RBFOX1: variants seen among roughly 807,000 people sequenced by gnomAD.
The protein encoded by RBFOX1 is RNA binding fox-1 homolog 1.
Under a neutral mutation model 57.7 loss-of-function variants are expected in RBFOX1, and 8 were observed. That is an observed-to-expected ratio of 0.14 (90% CI 0.08 to 0.25). The LOEUF (loss-of-function observed/expected upper bound fraction) is 0.25. Ranked by LOEUF, RBFOX1 falls within the 10% of genes least tolerant of loss-of-function variation. RBFOX1 has a pLI of 1.00. For missense variants in RBFOX1, 611 were observed against 548.5 expected (o/e 1.11, Z -1.14); for synonymous variants, 326 against 222.4 (o/e 1.47, Z -4.15).
chr16:6,218,178 G>T (rs2097348477), intron 1 of RBFOX1, among the ~76,000 whole-genome samples: 3 of 152,124 alleles, frequency 2.0e-5, no homozygotes, highest in Non-Finnish European at 2.9e-5. Flanking sequence ...ATTTTCAGTA[G>T]AATAATATTA....
intron 2 of RBFOX1, among the ~76,000 whole-genome samples, chr16:6,521,536 C>G (rs1279245455): frequency 7.5e-6 from 1 of 134,030 alleles, no homozygotes. Context: ...CCTCCTTCCT[C>G]TCCTCTCCTC....
intron 4 of RBFOX1, among the ~76,000 whole-genome samples, chr16:7,515,144 G>A (rs1287363906): frequency 6.6e-6 from 1 of 152,044 alleles, no homozygotes; most frequent in Non-Finnish European, 1.5e-5. Context: ...ACATTTCTGG[G>A]GCTTTTCATC....
intron 4 of RBFOX1, among the ~76,000 whole-genome samples, chr16:7,367,084 A>G (rs772812521): frequency 2.6e-5 from 4 of 151,824 alleles, no homozygotes; most frequent in Non-Finnish European, 5.9e-5. Flanking sequence ...GTCTTAGACA[A>G]TATGGTGTCA....
chr16:7,221,405 C>T (rs560068926), intron 4 of RBFOX1, among the ~76,000 whole-genome samples: 7 of 151,490 alleles, frequency 4.6e-5, no homozygotes, highest in Non-Finnish European at 8.8e-5. Flanking sequence ...TTTGCTCTGT[C>T]GTCCAGGATA....
chr16:5,578,240 G>C (rs192021553), intron 2 of RBFOX1, among the ~76,000 whole-genome samples: 1 of 152,218 alleles, frequency 6.6e-6, no homozygotes, highest in Non-Finnish European at 1.5e-5. Context: ...ATGAGCTGCC[G>C]TGCCTGCCCT....
chr16:6,361,487 G>C (rs1253682578), intron 2 of RBFOX1, among the ~76,000 whole-genome samples: 2 of 152,040 alleles, frequency 1.3e-5, no homozygotes, highest in African/African-American at 2.4e-5. Flanking sequence ...AATTAGCCTG[G>C]TGTGGTGGCT....
At chr16:7,515,968 C>T (rs137889496) in intron 4 of RBFOX1, among the ~76,000 whole-genome samples, 7 of 152,216 alleles carry the variant, frequency 4.6e-5, no homozygotes, top group South Asian at 2.1e-4. Context: ...CCTCAGTCTC[C>T]GGAGTAGCTA....
intron 3 of RBFOX1, among the ~76,000 whole-genome samples, chr16:5,730,387 G>A (rs767200175): frequency 5.9e-5 from 9 of 152,158 alleles, no homozygotes; most frequent in South Asian, 2.1e-4. Flanking sequence ...GGCAAGCACC[G>A]TCTCCCTGAG....
In RBFOX1 at chr16:7,564,537, T is replaced by A. The variant is rs1048564045; in HGVS notation, c.271-15240T>A. ...GCCTGGCTGACAGAGCAAGACTCCATCTCAAAAAAAAAAAAAAAAAAAAAA... is the reference window on the plus strand; with the variant it reads ...GCCTGGCTGACAGAGCAAGACTCCAACTCAAAAAAAAAAAAAAAAAAAAAA... On this transcript the variant is annotated intron_variant, in intron 5 of 15. Transcript: ENST00000550418. Among the ~76,000 whole-genome samples, 3 of 44,362 alleles carry A rather than the reference T, an allele frequency of 6.8e-5. No homozygotes were observed. In the Admixed American group the frequency reaches 1.0e-3, roughly 15 times the overall value. 29.1% of individuals were successfully genotyped at this position (44,362 alleles called of 152,430 possible).
At chr16:6,804,879 T>G (rs574924055) in intron 3 of RBFOX1, among the ~76,000 whole-genome samples, 1 of 152,162 alleles carries the variant, frequency 6.6e-6, no homozygotes, top group African/African-American at 2.4e-5. Context: ...AAAAAGGCCA[T>G]GTGTCCCAAA....
At chr16:6,574,441 T>TC (rs2097394669) in intron 2 of RBFOX1, among the ~76,000 whole-genome samples, 1 of 144,692 alleles carries the variant, frequency 6.9e-6, no homozygotes, top group Non-Finnish European at 1.5e-5. Context: ...TTTTTTTTTT[T>TC]TTTTTGAGAC....
chr16:7,629,939 A>G (rs375959245), intron 10 of RBFOX1, among the ~76,000 whole-genome samples: 19 of 152,278 alleles, frequency 1.2e-4, no homozygotes, highest in African/African-American at 3.9e-4. Flanking sequence ...GTGTGGGTCC[A>G]GGGTGGGTCC....
intron 1 of RBFOX1, among the ~76,000 whole-genome samples, chr16:6,201,834 T>A (rs2097217498): frequency 6.6e-6 from 1 of 152,080 alleles, no homozygotes; most frequent in Non-Finnish European, 1.5e-5. Context: ...ATAAAGAAAA[T>A]TTTTAAAATT....
At chr16:6,207,747 G>A (rs1340735682) in intron 1 of RBFOX1, among the ~76,000 whole-genome samples, 2 of 151,926 alleles carry the variant, frequency 1.3e-5, no homozygotes, top group Non-Finnish European at 2.9e-5. Context: ...GAGTGCAGTG[G>A]TGCGCATGTA....
chr16:7,438,862 C>G (rs1214830437), intron 4 of RBFOX1, among the ~76,000 whole-genome samples: 1 of 152,190 alleles, frequency 6.6e-6, no homozygotes, highest in East Asian at 1.9e-4. Flanking sequence ...GCCTGATGCT[C>G]TGTCAATGGC....
intron 4 of RBFOX1, among the ~76,000 whole-genome samples, chr16:7,443,648 C>CCA (rs1035975254): frequency 5.3e-5 from 8 of 152,078 alleles, no homozygotes; most frequent in African/African-American, 1.9e-4. Context: ...CAGCGTATTT[C>CCA]TATATATGTC....
At chr16:6,884,422 C>T (rs1276634228) in intron 3 of RBFOX1, among the ~76,000 whole-genome samples, 2 of 152,170 alleles carry the variant, frequency 1.3e-5, no homozygotes, top group Non-Finnish European at 2.9e-5. Context: ...GGAGTGAGGA[C>T]AGTAAAGTCT....
chr16:6,829,481 T>TAAAAAAAAAAAA (rs35754742), intron 3 of RBFOX1, among the ~76,000 whole-genome samples: 1 of 135,644 alleles, frequency 7.4e-6, no homozygotes, highest in Non-Finnish European at 1.6e-5. Context: ...ACTCAACCAT[T>TAAAAAAAAAAAA]AAAAAAAAAA....
intron 4 of RBFOX1, among the ~76,000 whole-genome samples, chr16:5,923,290 C>T (rs1025755286): frequency 2.6e-5 from 4 of 152,168 alleles, no homozygotes; most frequent in African/African-American, 9.6e-5. Context: ...AATGCTATGG[C>T]TGTGTGATTG....
Sources: gnomAD v4.1 joint callset for allele counts (sites outside exome capture counted in the v4.1 genomes callset) on GRCh38, gnomAD v4.1.1 for gene constraint, MANE v1.5 for transcripts, NCBI Gene and HGNC (gene_info 2026-07-23, HGNC 2026-07-21) for gene names.